Variants in CNOT6L observed in about 807,000 individuals in gnomAD.
The protein encoded by CNOT6L is CCR4-NOT transcription complex subunit 6 like.
Under a neutral mutation model 64.0 loss-of-function variants are expected in CNOT6L, and 7 were observed. That is an observed-to-expected ratio of 0.11 (90% CI 0.06 to 0.21). The LOEUF (loss-of-function observed/expected upper bound fraction) is 0.21, where lower values mean the gene tolerates loss of function less well. Among genes scored for constraint, CNOT6L ranks in the 10% least tolerant of loss-of-function variants. CNOT6L has a pLI of 1.00. For missense variants in CNOT6L, 245 were observed against 669.0 expected (o/e 0.37, Z 6.99); for synonymous variants, 193 against 243.4 (o/e 0.79, Z 1.93).
chr4:77,806,713 A>C (rs1449357813), intron 1 of CNOT6L, among the ~76,000 whole-genome samples: 2 of 152,178 alleles, frequency 1.3e-5, no homozygotes, highest in African/African-American at 4.8e-5. Flanking sequence ...CAAAATTAAA[A>C]TTCCTTACCA....
rs1457438224 is a variant in CNOT6L at position 77,715,716 on chromosome 4, A to C, written c.*4715T>G. 1 of 152,346 alleles carries C rather than the reference A, an allele frequency of 6.6e-6. No homozygotes were observed. Among genetic ancestry groups the C allele is most frequent in the East Asian group, 1.9e-4 (1 of 5,184 alleles). The allele number at this position is 152,346 out of a possible 1,614,324, so 9.4% of individuals were successfully genotyped here. Reference sequence around the variant, plus strand: ...TGCTTTTTTTTCTTTCTTTCTGTGAATCTTGTTCAAGACATCCTGTAGTTT... The same window carrying C: ...TGCTTTTTTTTCTTTCTTTCTGTGACTCTTGTTCAAGACATCCTGTAGTTT... On this transcript the variant is annotated 3_prime_UTR_variant, in exon 12 of 12. Coordinates refer to ENST00000504123, the MANE Select transcript of CNOT6L (RefSeq NM_144571.3).
At position 77,744,763 on chromosome 4, in the gene CNOT6L, A is replaced by G. The variant is rs1400836707; in HGVS notation, c.672T>C (p.Ile224=). ...CGTCACAGTTAACAATTTCTTCCAT[A>G]ATTCCCTTTTTCCTGTATTCCCAGT... ...ALNWEYRKKG[I]MEEIVNCDAD... The change falls in exon 7 of 12, where the codon ATT becomes ATC. Residue 224 remains isoleucine, a synonymous_variant. Coordinates refer to ENST00000504123, the MANE Select transcript of CNOT6L (RefSeq NM_144571.3). 6.2e-7 allele frequency: 1 copy of G among 1,613,452 alleles called. No individual in the cohort carries two copies. The highest frequency in any genetic ancestry group is 1.7e-5 in the Admixed American group (1 of 59,898).
chr4:77,798,954 G>A (rs1423975743), intron 1 of CNOT6L, among the ~76,000 whole-genome samples: 1 of 152,062 alleles, frequency 6.6e-6, no homozygotes, highest in East Asian at 1.9e-4. Flanking sequence ...ATTCCAGCCT[G>A]AGTGAAGGAG....
intron 4 of CNOT6L, among the ~76,000 whole-genome samples, chr4:77,768,192 T>C (rs938914132): frequency 6.6e-6 from 1 of 151,134 alleles, no homozygotes; most frequent in Admixed American, 6.6e-5. Flanking sequence ...TGGCAGGGCG[T>C]GGTGGCTCAC....
intron 5 of CNOT6L, among the ~76,000 whole-genome samples, chr4:77,755,223 GTTTTTTTTTTTTTTTTTTTT>G (rs869054667): frequency 2.8e-5 from 2 of 70,392 alleles, no homozygotes; most frequent in Non-Finnish European, 2.4e-5. Flanking sequence ...AGAGACAAGA[GTTTTTTTTTTTTTTTTTTTT>G]TTTTTTTTTT....
intron 8 of CNOT6L, among the ~76,000 whole-genome samples, chr4:77,732,818 G>GTACC (rs1722588496): frequency 1.3e-5 from 2 of 152,082 alleles, no homozygotes; most frequent in African/African-American, 4.8e-5. Context: ...AAGAATGGAA[G>GTACC]GGTATGAAAT....
At chr4:77,818,849 G>C (rs1324644449) in intron 1 of CNOT6L, 1 of 242,220 alleles carries the variant, frequency 4.1e-6, no homozygotes, top group African/African-American at 2.3e-5. Flanking sequence ...TCCTGCCGCG[G>C]CCGGGGAACG....
chr4:77,788,823 GA>G (rs1474969150), intron 1 of CNOT6L, among the ~76,000 whole-genome samples: 5 of 144,822 alleles, frequency 3.5e-5, no homozygotes, highest in Non-Finnish European at 3.0e-5. Context: ...ATTCTAAACG[GA>G]AAAAAAAAAC....
Position 77,719,295 on chromosome 4 carries a change from A to G in CNOT6L, c.*1136T>C, listed in dbSNP as rs910693352. 3.9e-5 allele frequency: 6 copies of G among 152,618 alleles called. No homozygotes were observed. The highest frequency in any genetic ancestry group is 1.4e-4 in the African/African-American group (6 of 41,436). 9.5% of individuals were successfully genotyped at this position (152,618 alleles called of 1,614,324 possible). ...CTGACAGACAACTGAAACAAAGATT[A>G]AAAGCATATGATGGCCATTTGGCAG... is the stretch of plus-strand genomic sequence containing the variant. On this transcript the variant is annotated 3_prime_UTR_variant, in exon 12 of 12. Coordinates refer to ENST00000504123, the MANE Select transcript of CNOT6L (RefSeq NM_144571.3).
intron 10 of CNOT6L, among the ~76,000 whole-genome samples, 197 bp downstream of exon 10, chr4:77,728,657 C>T (rs1462950953): frequency 1.3e-5 from 2 of 152,130 alleles, no homozygotes; most frequent in African/African-American, 2.4e-5. Flanking sequence ...TCATTTATTG[C>T]TTTGTTTCCC....
intron 8 of CNOT6L, among the ~76,000 whole-genome samples, chr4:77,736,226 G>C (rs1722928507): frequency 6.6e-6 from 1 of 151,954 alleles, no homozygotes; most frequent in Non-Finnish European, 1.5e-5. Context: ...CTTCACCAAG[G>C]GTTGAAAAAC....
At chr4:77,811,538 C>T (rs947561639) in intron 1 of CNOT6L, among the ~76,000 whole-genome samples, 1 of 152,080 alleles carries the variant, frequency 6.6e-6, no homozygotes, top group Admixed American at 6.6e-5. Context: ...TAGAGCAAGA[C>T]TCCGTCTCAA....
intron 4 of CNOT6L, among the ~76,000 whole-genome samples, chr4:77,771,121 A>G: frequency 6.6e-6 from 1 of 152,202 alleles, no homozygotes; most frequent in Non-Finnish European, 1.5e-5. Flanking sequence ...GGAGTTCAAG[A>G]TCAGCCTGAC....
At chr4:77,790,939 C>T (rs1028359363) in intron 1 of CNOT6L, among the ~76,000 whole-genome samples, 1 of 151,324 alleles carries the variant, frequency 6.6e-6, no homozygotes, top group African/African-American at 2.4e-5. Flanking sequence ...GGATTACAGG[C>T]ATGATGAGCC....
At chr4:77,761,189 C>G (rs978278588) in intron 4 of CNOT6L, among the ~76,000 whole-genome samples, 1 of 151,954 alleles carries the variant, frequency 6.6e-6, no homozygotes, top group Non-Finnish European at 1.5e-5. Context: ...TCTGTACAAG[C>G]AACGATGACC....
intron 4 of CNOT6L, among the ~76,000 whole-genome samples, chr4:77,766,705 T>C (rs1363590058): frequency 2.7e-5 from 4 of 148,824 alleles, no homozygotes; most frequent in Non-Finnish European, 6.0e-5. Flanking sequence ...TGTATTTCTA[T>C]ATCCAATAGC....
chr4:77,788,618 C>G (rs1729733640), intron 1 of CNOT6L, among the ~76,000 whole-genome samples: 1 of 152,128 alleles, frequency 6.6e-6, no homozygotes, highest in Non-Finnish European at 1.5e-5. Flanking sequence ...GTCCCAGCTA[C>G]TCAGGAGGCT....
chr4:77,807,059 TAG>T (rs1560438342), intron 1 of CNOT6L, among the ~76,000 whole-genome samples: 3 of 152,198 alleles, frequency 2.0e-5, no homozygotes. Context: ...GTATTTTTAA[TAG>T]AGAGGGGATT....
chr4:77,798,034 T>C (rs976373358), intron 1 of CNOT6L, among the ~76,000 whole-genome samples: 2 of 152,168 alleles, frequency 1.3e-5, no homozygotes, highest in African/African-American at 4.8e-5. Context: ...AAAACATTAT[T>C]AGGAAAATAG....
Sources: gnomAD v4.1 joint callset for allele counts (sites outside exome capture counted in the v4.1 genomes callset) on GRCh38, gnomAD v4.1.1 for gene constraint, MANE v1.5 for transcripts, NCBI Gene and HGNC (gene_info 2026-07-23, HGNC 2026-07-21) for gene names.